The following CCDC60 variants were observed in gnomAD, a reference collection of about 807,000 sequenced individuals.
The protein encoded by CCDC60 is coiled-coil domain-containing protein 60.
Under a neutral mutation model 63.5 loss-of-function variants are expected in CCDC60, and 54 were observed. The observed-to-expected ratio is 0.85, with a 90% CI of 0.68 to 1.07. CCDC60 has a LOEUF of 1.07. Among genes scored for constraint, CCDC60 ranks in the 50% least tolerant of loss-of-function variants. The probability of loss-of-function intolerance (pLI) is 0.00; values close to 1 mark genes in which losing one functional copy is unlikely to be tolerated. For synonymous variants in CCDC60, 206 were observed against 238.8 expected (o/e 0.86, Z 1.27); for missense variants, 651 against 684.3 (o/e 0.95, Z 0.54).
intron 13 of CCDC60, among the ~76,000 whole-genome samples, chr12:119,537,939 A>G (rs1285970396): frequency 1.2e-4 from 19 of 152,078 alleles, no homozygotes; most frequent in Non-Finnish European, 1.5e-5. Flanking sequence ...GAGAACCAGT[A>G]CTCTCTTCAG....
At chr12:119,533,522 G>A (rs946656800) in intron 13 of CCDC60, among the ~76,000 whole-genome samples, 5 of 152,148 alleles carry the variant, frequency 3.3e-5, no homozygotes, top group African/African-American at 1.2e-4. Flanking sequence ...GTACTGCCTA[G>A]GTTTTCTTCT....
chr12:119,523,040 G>A (rs780077175), intron 10 of CCDC60, 39 bp downstream of exon 10: 37 of 1,556,774 alleles, frequency 2.4e-5, no homozygotes, highest in Admixed American at 1.8e-4. Flanking sequence ...ACGCAAGAGG[G>A]AATATGGTGA....
At chr12:119,340,881 G>GA (rs947320352) in intron 1 of CCDC60, among the ~76,000 whole-genome samples, 4 of 152,028 alleles carry the variant, frequency 2.6e-5, no homozygotes, top group East Asian at 1.9e-4. Flanking sequence ...TGATTACCCT[G>GA]AAAAAAATAA....
chr12:119,423,691 T>TA (rs1262419554), intron 1 of CCDC60, among the ~76,000 whole-genome samples: 3 of 152,246 alleles, frequency 2.0e-5, no homozygotes, highest in African/African-American at 7.2e-5. Flanking sequence ...CTGGAGATGG[T>TA]AGAGGTTTCC....
At chr12:119,342,870 G>A (rs1303335733) in intron 1 of CCDC60, among the ~76,000 whole-genome samples, 1 of 152,186 alleles carries the variant, frequency 6.6e-6, no homozygotes, top group Admixed American at 6.5e-5. Context: ...CTGTTTCACT[G>A]TTTGGTGAGG....
intron 7 of CCDC60, among the ~76,000 whole-genome samples, chr12:119,505,711 C>G (rs1951980257): frequency 6.6e-6 from 1 of 152,172 alleles, no homozygotes; most frequent in Non-Finnish European, 1.5e-5. Flanking sequence ...CAAAAATCAG[C>G]TGGGCGTGAT....
intron 1 of CCDC60, among the ~76,000 whole-genome samples, chr12:119,419,483 C>T (rs1297972149): frequency 6.6e-6 from 1 of 152,184 alleles, no homozygotes; most frequent in East Asian, 1.9e-4. Flanking sequence ...TGATGCTAAG[C>T]ATAGCCATGA....
chr12:119,438,252 C>CAA (rs1950366310), intron 2 of CCDC60, among the ~76,000 whole-genome samples: 1 of 152,152 alleles, frequency 6.6e-6, no homozygotes, highest in African/African-American at 2.4e-5. Context: ...TTCCTTGTGT[C>CAA]AAAGTCTGCC....
intron 1 of CCDC60, among the ~76,000 whole-genome samples, chr12:119,403,642 C>T (rs1233330160): frequency 6.6e-6 from 1 of 152,084 alleles, no homozygotes; most frequent in Admixed American, 6.5e-5. Context: ...CAGATCCCAG[C>T]TGCTGTCACG....
Position 119,500,404 on chromosome 12 carries a change from G to A in CCDC60, c.648+236G>A, listed in dbSNP as rs114007573. 7.1e-3 allele frequency among the ~76,000 whole-genome samples: 1,084 copies of A among 152,150 alleles called. 14 individuals carry two copies. The highest frequency in any genetic ancestry group is 0.024 in the African/African-American group (994 of 41,510). On this transcript the variant is annotated intron_variant, in intron 6 of 13. Coordinates refer to ENST00000327554, the MANE Select transcript of CCDC60 (RefSeq NM_178499.5). The stretch of plus-strand genomic sequence containing the variant: ...GGACACTACATAATGGGGACAGGAG[G>A]GGGTGCTAAGCAGCTGCTTAACAAG...
chr12:119,428,907 G>T (rs530285664), intron 2 of CCDC60, 145 bp downstream of exon 2: 1 of 565,990 alleles, frequency 1.8e-6, no homozygotes, highest in Non-Finnish European at 3.2e-6. Flanking sequence ...GTAACCCTGG[G>T]AGGAGCAGAG....
At chr12:119,364,803 A>G (rs1324896337) in intron 1 of CCDC60, among the ~76,000 whole-genome samples, 1 of 152,242 alleles carries the variant, frequency 6.6e-6, no homozygotes, top group Non-Finnish European at 1.5e-5. Flanking sequence ...TGTTGCAGAA[A>G]GGCAAGCACA....
At chr12:119,450,957 T>C (rs543994588) in intron 2 of CCDC60, among the ~76,000 whole-genome samples, 1 of 151,342 alleles carries the variant, frequency 6.6e-6, no homozygotes, top group Admixed American at 6.6e-5. Flanking sequence ...GTGTACTATA[T>C]AGGGAAGCAT....
At chr12:119,504,273 G>A (rs563425536) in intron 6 of CCDC60, among the ~76,000 whole-genome samples, 29 of 152,098 alleles carry the variant, frequency 1.9e-4, no homozygotes, top group Non-Finnish European at 3.4e-4. Context: ...GTTATACGAG[G>A]ACATAACCCC....
intron 2 of CCDC60, chr12:119,429,514 G>A (rs1956959368): frequency 6.6e-6 from 1 of 152,218 alleles, no homozygotes; most frequent in South Asian, 2.1e-4. Flanking sequence ...TGTGTGCTGA[G>A]AGGGGTAATC....
intron 2 of CCDC60, among the ~76,000 whole-genome samples, chr12:119,440,512 A>AGAGT (rs1389023434): frequency 6.6e-6 from 1 of 152,226 alleles, no homozygotes; most frequent in Non-Finnish European, 1.5e-5. Flanking sequence ...CCTGGGTGAC[A>AGAGT]GAGTGAGACT....
chr12:119,505,186 T>C lies in CCDC60; in HGVS notation c.766T>C (p.Ser256Pro). The C allele has an allele frequency of 6.2e-7, 1 of 1,614,134 alleles. No individual in the cohort carries two copies. Residue 256 changes from serine to proline, a missense_variant, in exon 7 of 14, where the codon TCT becomes CCT. Coordinates refer to ENST00000327554, the MANE Select transcript of CCDC60 (RefSeq NM_178499.5). ...GTCCTCTCCCCAGAGCAGCATGATC[T>C]CTGTGAACCCTGGCTCGGATGAGCC... ...GGSSPQSSMI[S>P]VNPGSDEPPS...
Position 119,505,198 on chromosome 12 carries a change from G to A in CCDC60, c.778G>A (p.Gly260Ser). 1 of 1,614,096 alleles carries A rather than the reference G, an allele frequency of 6.2e-7. No homozygotes were observed. ...PQSSMISVNPGSDEPPSVNTQ... is the reference protein window; with the variant it reads ...PQSSMISVNPSSDEPPSVNTQ... ...GAGCAGCATGATCTCTGTGAACCCTGGCTCGGATGAGCCCCCAAGTGTGAA... is the reference window on the plus strand; with the variant it reads ...GAGCAGCATGATCTCTGTGAACCCTAGCTCGGATGAGCCCCCAAGTGTGAA... Residue 260 changes from glycine to serine, a missense_variant, in exon 7 of 14, where the codon GGC (glycine) becomes AGC (serine). Coordinates refer to ENST00000327554, the MANE Select transcript of CCDC60 (RefSeq NM_178499.5).
At chr12:119,393,093 G>T (rs999092654) in intron 1 of CCDC60, among the ~76,000 whole-genome samples, 4 of 152,224 alleles carry the variant, frequency 2.6e-5, no homozygotes, top group African/African-American at 9.6e-5. Context: ...GAGCCCATGA[G>T]ATTGAGGCTG....
Sources: gnomAD v4.1 joint callset for allele counts (sites outside exome capture counted in the v4.1 genomes callset) on GRCh38, gnomAD v4.1.1 for gene constraint, MANE v1.5 for transcripts, NCBI Gene and HGNC (gene_info 2026-07-23, HGNC 2026-07-21) for gene names.